Variants in WWP2 observed in about 807,000 individuals in gnomAD.
WWP2 encodes the protein WW domain containing E3 ubiquitin protein ligase 2.
A neutral mutation model predicts 121.0 loss-of-function variants in WWP2; 57 were observed. The observed-to-expected ratio is 0.47, with a 90% CI of 0.38 to 0.59. The LOEUF (loss-of-function observed/expected upper bound fraction) is 0.59, where lower values mean the gene tolerates loss of function less well. Among genes scored for constraint, WWP2 ranks in the 20% least tolerant of loss-of-function variants. The pLI is 0.00. For synonymous variants in WWP2, 449 were observed against 441.3 expected, an observed-to-expected ratio of 1.02 and a Z score of -0.22; for missense variants, 962 against 1,158.9, an observed-to-expected ratio of 0.83 and a Z score of 2.47.
intron 8 of WWP2, among the ~76,000 whole-genome samples, chr16:69,903,570 C>A (rs1417641258): frequency 6.6e-6 from 1 of 152,052 alleles, no homozygotes; most frequent in Non-Finnish European, 1.5e-5. Flanking sequence ...AGATCGAGAC[C>A]ATCCTGGCCA....
At chr16:69,939,188 A>T (rs1597195423) in intron 22 of WWP2, 65 bp downstream of exon 22, 1 of 1,560,516 alleles carries the variant, frequency 6.4e-7, no homozygotes, top group South Asian at 1.2e-5. Context: ...GGAGGGGGAA[A>T]CCTAGTCTCT....
chr16:69,868,125 C>A (rs2057561788), intron 6 of WWP2, among the ~76,000 whole-genome samples: 1 of 152,192 alleles, frequency 6.6e-6, no homozygotes, highest in African/African-American at 2.4e-5. Flanking sequence ...AAACTGGAAA[C>A]TCCAGATTTA....
At chr16:69,827,522 T>G (rs950105341) in intron 4 of WWP2, among the ~76,000 whole-genome samples, 5 of 152,246 alleles carry the variant, frequency 3.3e-5, no homozygotes, top group Non-Finnish European at 7.3e-5. Flanking sequence ...GTAAAAAAAC[T>G]CCAATGTATA....
At chr16:69,795,275 CACA>C (rs776304990) in intron 2 of WWP2, among the ~76,000 whole-genome samples, 18 of 151,178 alleles carry the variant, frequency 1.2e-4, no homozygotes, top group Admixed American at 5.9e-4. Flanking sequence ...CACACACACA[CACA>C]CACACACACA....
intron 9 of WWP2, among the ~76,000 whole-genome samples, chr16:69,913,640 C>G (rs981864427): frequency 2.0e-5 from 3 of 151,980 alleles, no homozygotes; most frequent in African/African-American, 7.3e-5. Context: ...AATTGATATC[C>G]TCAAAGATTT....
At chr16:69,802,579 C>T (rs751271043) in intron 4 of WWP2, among the ~76,000 whole-genome samples, 3 of 148,236 alleles carry the variant, frequency 2.0e-5, no homozygotes, top group Admixed American at 7.0e-5. Context: ...TTGTAACATG[C>T]GTCAGAAGAT....
At chr16:69,934,363 C>T (rs2058764330) in intron 17 of WWP2, among the ~76,000 whole-genome samples, 1 of 152,044 alleles carries the variant, frequency 6.6e-6, no homozygotes, top group Non-Finnish European at 1.5e-5. Context: ...CCATAGAGCT[C>T]GTAACCTAAA....
intron 9 of WWP2, among the ~76,000 whole-genome samples, chr16:69,915,720 TTA>T (rs936297518): frequency 7.2e-5 from 11 of 152,182 alleles, no homozygotes; most frequent in South Asian, 4.2e-4. Context: ...GCAGTCCTGT[TTA>T]TGTTTCAAAA....
intron 1 of WWP2, among the ~76,000 whole-genome samples, chr16:69,777,613 T>TA (rs912284827): frequency 1.3e-5 from 2 of 151,952 alleles, no homozygotes; most frequent in Non-Finnish European, 2.9e-5. Flanking sequence ...TATTTTCTTT[T>TA]AAAAAAATCT....
chr16:69,813,505 G>C (rs1282654550), intron 4 of WWP2, among the ~76,000 whole-genome samples: 1 of 151,650 alleles, frequency 6.6e-6, no homozygotes, highest in East Asian at 1.9e-4. Context: ...TTTAGATAGA[G>C]TCTTGCTCTG....
chr16:69,861,321 A>C (rs2057414918), intron 6 of WWP2, among the ~76,000 whole-genome samples: 1 of 152,148 alleles, frequency 6.6e-6, no homozygotes, highest in African/African-American at 2.4e-5. Context: ...TACGGCCTGG[A>C]AGTAGATTGG....
At chr16:69,795,317 T>A (rs1444804904) in intron 2 of WWP2, among the ~76,000 whole-genome samples, 1 of 151,642 alleles carries the variant, frequency 6.6e-6, no homozygotes, top group Admixed American at 6.6e-5. Context: ...TAGATGGCAT[T>A]TATCTATAAC....
chr16:69,835,946 G>A (rs1417609876), intron 4 of WWP2, among the ~76,000 whole-genome samples: 1 of 152,002 alleles, frequency 6.6e-6, no homozygotes. Context: ...GGGATTACAG[G>A]TGTGTGCCAC....
intron 8 of WWP2, among the ~76,000 whole-genome samples, chr16:69,895,478 A>G (rs1031100518): frequency 6.6e-6 from 1 of 152,208 alleles, no homozygotes; most frequent in Non-Finnish European, 1.5e-5. Flanking sequence ...TCGGTACAAA[A>G]GTTCCTAAAG....
chr16:69,824,988 C>G (rs1208466684), intron 4 of WWP2, among the ~76,000 whole-genome samples: 1 of 150,788 alleles, frequency 6.6e-6, no homozygotes, highest in Non-Finnish European at 1.5e-5. Context: ...CCAGGCTGGT[C>G]TCGAACTCCT....
intron 2 of WWP2, among the ~76,000 whole-genome samples, chr16:69,794,574 T>G (rs921708321): frequency 1.3e-5 from 2 of 152,160 alleles, no homozygotes; most frequent in African/African-American, 4.8e-5. Context: ...AAAATTAGCT[T>G]GGCCCATGCC....
intron 4 of WWP2, among the ~76,000 whole-genome samples, chr16:69,808,628 C>A (rs1159744650): frequency 6.6e-6 from 1 of 152,234 alleles, no homozygotes; most frequent in Non-Finnish European, 1.5e-5. Flanking sequence ...TCTTGAACTC[C>A]TGACCTCAGG....
chr16:69,815,474 C>G (rs2056470597), intron 4 of WWP2, among the ~76,000 whole-genome samples: 2 of 150,128 alleles, frequency 1.3e-5, no homozygotes, highest in African/African-American at 4.9e-5. Flanking sequence ...AGAGTGAGAC[C>G]CTGTCTCTTT....
chr16:69,868,418 G>T (rs2057567129), intron 6 of WWP2, among the ~76,000 whole-genome samples: 1 of 152,190 alleles, frequency 6.6e-6, no homozygotes, highest in African/African-American at 2.4e-5. Flanking sequence ...GTCATGCCCA[G>T]CTGCTCTGCA....
Sources: gnomAD v4.1 joint callset for allele counts (sites outside exome capture counted in the v4.1 genomes callset) on GRCh38, gnomAD v4.1.1 for gene constraint, MANE v1.5 for transcripts, NCBI Gene and HGNC (gene_info 2026-07-23, HGNC 2026-07-21) for gene names.